ITPKA: variants seen among roughly 807,000 people sequenced by gnomAD.
The protein encoded by ITPKA is inositol-trisphosphate 3-kinase A, also known as IP3 3-kinase A.
Under a neutral mutation model 40.7 loss-of-function variants are expected in ITPKA, and 16 were observed. The ratio of observed to expected loss-of-function variants is 0.39; its 90% confidence interval spans 0.27 to 0.60. ITPKA has a LOEUF of 0.60. Among genes scored for constraint, ITPKA ranks in the 20% least tolerant of loss-of-function variants. The pLI is 0.50. For missense variants in ITPKA, 540 were observed against 649.3 expected (o/e 0.83, Z 1.83); for synonymous variants, 313 against 289.9 (o/e 1.08, Z -0.81).
chr15:41,501,814 G>C lies in ITPKA; in HGVS notation c.766G>C (p.Asp256His), dbSNP rs1461982946. ...LQLQDLLDGF[D>H]GPCVLDCKMG... The stretch of plus-strand genomic sequence containing the variant: ...GCTGCAGGACCTGCTCGATGGCTTC[G>C]ACGGACCTTGTGTGCTCGACTGCAA... Residue 256 changes from aspartate to histidine, a missense_variant, in exon 3 of 7, where the codon GAC becomes CAC. By Grantham distance (81) the Asp-to-His change is moderately conservative. Transcript: ENST00000260386. 1.2e-6 allele frequency: 2 copies of C among 1,613,442 alleles called. No individual in the cohort carries two copies. The highest frequency in any genetic ancestry group is 1.7e-6 in the Non-Finnish European group (2 of 1,179,898).
At position 41,502,035 on chromosome 15, in the gene ITPKA, G is replaced by T. The variant is rs1321707987; in HGVS notation, c.842G>T (p.Arg281Leu). Residue 281 changes from arginine (R) to leucine (L), a missense_variant, in exon 4 of 7, where the codon CGG becomes CTG. By Grantham distance (102) the Arg-to-Leu change is moderately radical. Transcript: ENST00000260386. ...LEEELTKARE[R>L]PKLRKDMYKK... The stretch of plus-strand genomic sequence containing the variant: ...GAGGAGCTGACCAAGGCCCGTGAGC[G>T]GCCCAAGCTGCGGAAGGACATGTAC... 1.2e-6 allele frequency: 2 copies of T among 1,613,202 alleles called. No homozygotes were observed. Among genetic ancestry groups the T allele is most frequent in the African/African-American group, 1.3e-5 (1 of 74,930 alleles).
Position 41,494,058 on chromosome 15 carries a change from C to A in ITPKA, c.131C>A (p.Ala44Glu). Residue 44 changes from alanine to glutamate, a missense_variant, in exon 1 of 7, where the codon GCG becomes GAG. Physicochemically the swap from Ala to Glu is moderately radical, Grantham distance 107. Transcript: ENST00000260386. This position sits in a 1 kb window ranked among gnomAD's most constrained non-coding sequence, Gnocchi z 7.8. ...LRLLFEARCA[A>E]VAAAAAAGEP... The stretch of plus-strand genomic sequence containing the variant: ...CTGCTCTTCGAGGCGCGCTGTGCGG[C>A]GGTCGCTGCGGCCGCCGCCGCGGGG... 8.1e-7 allele frequency: 1 copy of A among 1,231,308 alleles called. No homozygotes were observed. The highest frequency in any genetic ancestry group is 1.0e-6 in the Non-Finnish European group (1 of 988,714). The allele number at this position is 1,231,308 out of a possible 1,614,324, so 76.3% of individuals were successfully genotyped here.
Position 41,501,987 on chromosome 15 carries a change from G to C in ITPKA, c.804-10G>C. The C allele has an allele frequency of 6.2e-7, 1 of 1,610,396 alleles. No individual in the cohort carries two copies. Among genetic ancestry groups the C allele is most frequent in the Non-Finnish European group, 8.5e-7 (1 of 1,178,142 alleles). ...CCCTCATGCCCTGGCCGCTGCCTGCGCCCCCACAGGACTTACCTAGAGGAG... is the reference window on the plus strand; with the variant it reads ...CCCTCATGCCCTGGCCGCTGCCTGCCCCCCCACAGGACTTACCTAGAGGAG... On this transcript the variant is annotated splice_polypyrimidine_tract_variant and intron_variant, in intron 3 of 6. Transcript: ENST00000260386.
chr15:41,498,179 A>G (rs1188205713), intron 1 of ITPKA, among the ~76,000 whole-genome samples: 2 of 151,784 alleles, frequency 1.3e-5, no homozygotes, highest in Admixed American at 6.6e-5. Flanking sequence ...GGTGACTCAC[A>G]TCTGTAGTCC....
intron 4 of ITPKA, 46 bp downstream of exon 4, chr15:41,502,247 G>T: frequency 6.5e-7 from 1 of 1,530,720 alleles, no homozygotes. Context: ...CCCACTGCGC[G>T]CTGTCTTTCC....
At chr15:41,499,521 T>G (rs1163651743) in intron 1 of ITPKA, among the ~76,000 whole-genome samples, 1 of 152,228 alleles carries the variant, frequency 6.6e-6, no homozygotes, top group Non-Finnish European at 1.5e-5. Context: ...AACCAACTAC[T>G]GACTTCCCAC....
chr15:41,494,421 G>T lies in ITPKA; in HGVS notation c.489+5G>T, dbSNP rs996774893. 4.9e-6 allele frequency: 7 copies of T among 1,418,548 alleles called. No homozygotes were observed. Among genetic ancestry groups the T allele is most frequent in the Non-Finnish European group, 6.4e-6 (7 of 1,087,942 alleles). 87.9% of individuals were successfully genotyped at this position (1,418,548 alleles called of 1,614,324 possible). On this transcript the variant is annotated splice_donor_5th_base_variant and intron_variant, in intron 1 of 6. Coordinates refer to ENST00000260386, the MANE Select transcript of ITPKA (RefSeq NM_002220.3). The surrounding 1 kb of genome is among the most constrained non-coding windows in gnomAD (Gnocchi z 7.8). The stretch of plus-strand genomic sequence containing the variant: ...GCGGGCGAGGACGTGGGTCAGGTAC[G>T]GGCCGCGGGGGCGGGGCCAGCGCCG...
In ITPKA at chr15:41,501,854, A is replaced by G. The variant is rs946651726; in HGVS notation, c.803+3A>G. 4 of 1,612,168 alleles carry G rather than the reference A, an allele frequency of 2.5e-6. No individual in the cohort carries two copies. Among genetic ancestry groups the G allele is most frequent in the Non-Finnish European group, 1.7e-6 (2 of 1,179,258 alleles). On this transcript the variant is annotated splice_donor_region_variant and intron_variant, in intron 3 of 6. Coordinates refer to ENST00000260386, the MANE Select transcript of ITPKA (RefSeq NM_002220.3). ...CTCGACTGCAAAATGGGCGTCAGGT[A>G]TGCGTGCCCTGCCAGGTCGGTTGGG...
rs369011276 is a variant in ITPKA, at chr15:41,502,541, C to A, written c.1110+38C>A. On this transcript the variant is annotated intron_variant, in intron 5 of 6. Coordinates refer to ENST00000260386, the MANE Select transcript of ITPKA (RefSeq NM_002220.3). ...TCCCAAACCCTGAGGTGTTGGGGAG[C>A]CTGAAGCCGAGGACTGCCCCTGTCA... 7 of 1,265,474 alleles carry A rather than the reference C, an allele frequency of 5.5e-6. No homozygotes were observed. In the African/African-American group the frequency reaches 7.3e-5, roughly 13 times the overall value. 78.4% of individuals were successfully genotyped at this position (1,265,474 alleles called of 1,614,324 possible). A position where few individuals can be genotyped will look rare whatever the true frequency, so the allele number is the denominator to read the frequency against.
Position 41,502,055 on chromosome 15 carries a change from A to T in ITPKA, c.862A>T (p.Met288Leu), listed in dbSNP as rs762706476. The change falls in exon 4 of 7, where the codon ATG becomes TTG. Residue 288 changes from methionine to leucine, a missense_variant. Transcript: ENST00000260386. ...TGAGCGGCCCAAGCTGCGGAAGGAC[A>T]TGTACAAGAAAATGCTGGCGGTGGA... ...ARERPKLRKD[M>L]YKKMLAVDPE... 3.1e-6 allele frequency: 5 copies of T among 1,613,376 alleles called. No homozygotes were observed. Among genetic ancestry groups the T allele is most frequent in the Non-Finnish European group, 3.4e-6 (4 of 1,179,932 alleles).
chr15:41,500,590 C>T (rs1268104549), intron 1 of ITPKA, among the ~76,000 whole-genome samples: 2 of 152,186 alleles, frequency 1.3e-5, no homozygotes, highest in African/African-American at 4.8e-5. Context: ...ATGCTTAAGC[C>T]TTATGTACTA....
intron 1 of ITPKA, among the ~76,000 whole-genome samples, chr15:41,500,866 G>A (rs759797879): frequency 6.6e-6 from 1 of 151,796 alleles, no homozygotes; most frequent in Non-Finnish European, 1.5e-5. Context: ...AAAATTAGCC[G>A]GGCATAGTGG....
Position 41,502,811 on chromosome 15 carries a change from G to A in ITPKA, c.1134G>A (p.Gln378=). ...EVLRRYLNRL[Q]QIRDTLEVSE... ...AGAGGCGGTATCTGAACCGCCTGCA[G>A]CAGATCCGGGACACCCTGGAGGTAT... Residue 378 remains glutamine, a synonymous_variant, in exon 6 of 7, where the codon CAG becomes CAA. Coordinates refer to ENST00000260386, the MANE Select transcript of ITPKA (RefSeq NM_002220.3). 1.2e-6 allele frequency: 2 copies of A among 1,612,104 alleles called. No individual in the cohort carries two copies. The highest frequency in any genetic ancestry group is 1.7e-6 in the Non-Finnish European group (2 of 1,179,146).
At chr15:41,501,003 C>A (rs2140676486) in intron 1 of ITPKA, among the ~76,000 whole-genome samples, 2 of 100,416 alleles carry the variant, frequency 2.0e-5, no homozygotes, top group African/African-American at 4.2e-5. Context: ...AGCAAGACTC[C>A]ATCTGAAAAA....
rs893693007 is a variant in ITPKA, at chr15:41,501,846, C to A, written c.798C>A (p.Gly266=). The A allele has an allele frequency of 2.5e-6, 4 of 1,612,598 alleles. No individual in the cohort carries two copies. Among genetic ancestry groups the A allele is most frequent in the Non-Finnish European group, 3.4e-6 (4 of 1,179,616 alleles). ...DGPCVLDCKM[G]VRTYLEEELT... ...CTTGTGTGCTCGACTGCAAAATGGG[C>A]GTCAGGTATGCGTGCCCTGCCAGGT... Residue 266 remains glycine, a synonymous_variant, in exon 3 of 7, where the codon GGC becomes GGA. Coordinates refer to ENST00000260386, the MANE Select transcript of ITPKA (RefSeq NM_002220.3).
At chr15:41,499,053 A>C (rs1342495135) in intron 1 of ITPKA, among the ~76,000 whole-genome samples, 1 of 152,158 alleles carries the variant, frequency 6.6e-6, no homozygotes, top group Non-Finnish European at 1.5e-5. Context: ...TCTCAAACTG[A>C]GTGTGGGAGA....
intron 1 of ITPKA, among the ~76,000 whole-genome samples, chr15:41,495,611 C>T (rs2051065338): frequency 6.6e-6 from 1 of 152,148 alleles, no homozygotes; most frequent in South Asian, 2.1e-4. Flanking sequence ...CTGCCGCTTC[C>T]CCTTCTTCCC....
intron 1 of ITPKA, among the ~76,000 whole-genome samples, chr15:41,498,260 C>T (rs1018048500): frequency 6.0e-5 from 9 of 148,828 alleles, no homozygotes; most frequent in East Asian, 2.0e-4. Flanking sequence ...TAGCTGTGAT[C>T]GCACCACTGG....
In ITPKA at chr15:41,502,421, G is replaced by A; in HGVS notation, c.1028G>A (p.Ser343Asn). The stretch of plus-strand genomic sequence containing the variant: ...ATCCAGAAAGCGGACGGCTCCTGCA[G>A]CACCGACTTCAAGACTACGCGAAGC... ...EGIKKADGSC[S>N]TDFKTTRSRE... is the part of the protein sequence containing the mutation. Residue 343 changes from serine to asparagine, a missense_variant, in exon 5 of 7, where the codon AGC becomes AAC. By Grantham distance (46) the Ser-to-Asn change is conservative. Coordinates refer to ENST00000260386, the MANE Select transcript of ITPKA (RefSeq NM_002220.3). 1 of 1,603,392 alleles carries A rather than the reference G, an allele frequency of 6.2e-7. No individual in the cohort carries two copies. The highest frequency in any genetic ancestry group is 8.5e-7 in the Non-Finnish European group (1 of 1,171,182).
Sources: gnomAD v4.1 joint callset for allele counts (sites outside exome capture counted in the v4.1 genomes callset) on GRCh38, gnomAD v4.1.1 for gene constraint, Gnocchi (gnomAD v3.1) non-coding constraint, MANE v1.5 for transcripts, NCBI Gene and HGNC (gene_info 2026-07-23, HGNC 2026-07-21) for gene names.